The following ABCC8 variants were observed in gnomAD, a reference collection of about 807,000 sequenced individuals.
ABCC8 encodes ATP binding cassette subfamily C member 8, also known as ATP-binding cassette sub-family C member 8.
ABCC8 carries 137 observed loss-of-function variants against 188.0 expected under a neutral mutation model. The observed-to-expected ratio is 0.73, with a 90% CI of 0.63 to 0.84. The LOEUF (loss-of-function observed/expected upper bound fraction) is 0.84, where lower values mean the gene tolerates loss of function less well. Ranked by LOEUF, ABCC8 falls within the 40% of genes least tolerant of loss-of-function variation. The pLI, the probability that ABCC8 is intolerant of heterozygous loss-of-function variation, is 0.00. For missense variants in ABCC8, 1,750 were observed against 2,072.7 expected, an observed-to-expected ratio of 0.84 and a Z score of 3.02; for synonymous variants, 797 against 846.5, an observed-to-expected ratio of 0.94 and a Z score of 1.01.
chr11:17,430,790 C>T (rs1564928709), intron 12 of ABCC8, 24 bp downstream of exon 12: 9 of 1,611,790 alleles, frequency 5.6e-6, no homozygotes, highest in Admixed American at 1.7e-5. Flanking sequence ...CTGCCCAGTG[C>T]CCTCGCCCGG....
chr11:17,393,638 C>T, intron 38 of ABCC8, 59 bp downstream of exon 38: 1 of 1,611,920 alleles, frequency 6.2e-7, no homozygotes, highest in Non-Finnish European at 8.5e-7. Context: ...TGATGACGGC[C>T]ACAACAGGCC....
chr11:17,406,542 C>G (rs1954532390), intron 26 of ABCC8, 80 bp downstream of exon 26: 1 of 1,428,324 alleles, frequency 7.0e-7, no homozygotes, highest in Middle Eastern at 1.8e-4. Context: ...TTGTATATCC[C>G]CATTTTATAG....
chr11:17,469,079 C>CTCCTTCCT (rs1564989361), intron 3 of ABCC8, among the ~76,000 whole-genome samples: 60 of 134,432 alleles, frequency 4.5e-4, no homozygotes, highest in Middle Eastern at 3.7e-3. Context: ...CCTTCCCTCC[C>CTCCTTCCT]TCCCTCCTTC....
chr11:17,437,393 A>G (rs942124757), intron 10 of ABCC8, among the ~76,000 whole-genome samples: 3 of 151,780 alleles, frequency 2.0e-5, no homozygotes, highest in Non-Finnish European at 4.4e-5. Flanking sequence ...GCATTGATAC[A>G]TGTTCCAGAA....
At position 17,452,224 on chromosome 11, in the gene ABCC8, A is replaced by T. The variant is rs189174742; in HGVS notation, c.1176+895T>A. On this transcript the variant is annotated intron_variant, in intron 7 of 38. Coordinates refer to ENST00000389817, the MANE Select transcript of ABCC8 (RefSeq NM_000352.6). ...CCCTGAACACTCCCTGGCTTTGATC[A>T]TCTTTCCAGAAACTCTAAGAAGGAA... Among the ~76,000 whole-genome samples, 28 of 152,314 alleles carry T rather than the reference A, an allele frequency of 1.8e-4. No individual in the cohort carries two copies. The Middle Eastern group carries it at 0.01, about 56-fold the overall frequency.
intron 3 of ABCC8, 66 bp from the exon 4 acceptor site, chr11:17,463,670 G>A (rs1417370829): frequency 5.8e-6 from 9 of 1,543,178 alleles, no homozygotes; most frequent in Non-Finnish European, 7.9e-6. Context: ...CACATAATGT[G>A]TGCAAGTATG....
At chr11:17,396,203 C>T in intron 33 of ABCC8, 1 of 652,236 alleles carries the variant, frequency 1.5e-6, no homozygotes, top group East Asian at 3.2e-5. Context: ...GGGTACTTGG[C>T]TGAAGGAGAG....
chr11:17,403,500 G>C (rs751276188), intron 28 of ABCC8, among the ~76,000 whole-genome samples: 1 of 152,062 alleles, frequency 6.6e-6, no homozygotes, highest in East Asian at 1.9e-4. Context: ...TGTGGGTGTC[G>C]GGCCATTCTG....
At chr11:17,426,201 A>G (rs1955575274) in intron 16 of ABCC8, among the ~76,000 whole-genome samples, 1 of 152,188 alleles carries the variant, frequency 6.6e-6, no homozygotes, top group Admixed American at 6.5e-5. Context: ...GTATATACCC[A>G]GTAATGGAAT....
chr11:17,439,514 A>G (rs1956231003), intron 10 of ABCC8, among the ~76,000 whole-genome samples: 1 of 152,106 alleles, frequency 6.6e-6, no homozygotes, highest in Non-Finnish European at 1.5e-5. Flanking sequence ...AGAAGGCAGG[A>G]AGTCCAGAGG....
chr11:17,412,257 A>T (rs991452856), intron 21 of ABCC8, among the ~76,000 whole-genome samples: 23 of 152,312 alleles, frequency 1.5e-4, no homozygotes, highest in Non-Finnish European at 3.2e-4. Flanking sequence ...GATTCTGAGG[A>T]TGAGTTAAGT....
chr11:17,397,381 CTCT>C lies in ABCC8; in HGVS notation c.3868-71_3868-69del. Reference sequence around the variant, plus strand: ...GTTCTGTCCTCAGCCACCAGAATGGCTCTTCTTAAGGCTGGAGAGGGGCCAGGG... The same window carrying C: ...GTTCTGTCCTCAGCCACCAGAATGGCTCTTAAGGCTGGAGAGGGGCCAGGG... On this transcript the variant is annotated intron_variant, in intron 31 of 38. Coordinates refer to ENST00000389817, the MANE Select transcript of ABCC8 (RefSeq NM_000352.6). 3.1e-6 allele frequency: 5 copies of C among 1,600,116 alleles called. No homozygotes were observed. In the South Asian group the frequency reaches 5.5e-5, roughly 18 times the overall value.
In ABCC8 at chr11:17,456,220, G is replaced by A. The variant is rs17775799; in HGVS notation, c.1012-2937C>T. On this transcript the variant is annotated intron_variant, in intron 6 of 38. Transcript: ENST00000389817. ...CAGGGAAGAATTGTGTTTGTTTCCAGGGATTTCCCCAGTAGTGCTCAATAC... is the reference window on the plus strand; with the variant it reads ...CAGGGAAGAATTGTGTTTGTTTCCAAGGATTTCCCCAGTAGTGCTCAATAC... Among the ~76,000 whole-genome samples the A allele has an allele frequency of 4.5e-3, 679 of 152,298 alleles. 2 individuals carry two copies. Among genetic ancestry groups the A allele is most frequent in the Non-Finnish European group, 7.1e-3 (484 of 68,022 alleles).
chr11:17,446,192 C>G (rs1591840627), intron 8 of ABCC8, among the ~76,000 whole-genome samples: 1 of 152,084 alleles, frequency 6.6e-6, no homozygotes, highest in African/African-American at 2.4e-5. Flanking sequence ...TCTCGAACTC[C>G]TGACCTCAGG....
chr11:17,437,797 G>T (rs1385434328), intron 10 of ABCC8, among the ~76,000 whole-genome samples: 2 of 152,204 alleles, frequency 1.3e-5, no homozygotes, highest in Non-Finnish European at 2.9e-5. Context: ...AGAAGGGCAG[G>T]TAGATATTGA....
chr11:17,472,757 C>T (rs1848548702), intron 2 of ABCC8, among the ~76,000 whole-genome samples: 1 of 152,196 alleles, frequency 6.6e-6, no homozygotes, highest in South Asian at 2.1e-4. Context: ...AGCAGGAGGG[C>T]ATCCCTGGAC....
intron 16 of ABCC8, 131 bp downstream of exon 16, chr11:17,426,918 A>G (rs1372142787): frequency 2.0e-6 from 2 of 1,023,022 alleles, no homozygotes; most frequent in Non-Finnish European, 2.8e-6. Context: ...GAGAATATCC[A>G]TTAGCAGCAT....
At chr11:17,447,242 C>T (rs1183233444) in intron 8 of ABCC8, among the ~76,000 whole-genome samples, 11 of 152,090 alleles carry the variant, frequency 7.2e-5, no homozygotes, top group African/African-American at 2.7e-4. Context: ...AAGATTTAGT[C>T]CCAGGCATAG....
chr11:17,423,079 C>T (rs1955419476), intron 16 of ABCC8, among the ~76,000 whole-genome samples: 2 of 152,000 alleles, frequency 1.3e-5, no homozygotes, highest in African/African-American at 4.8e-5. Flanking sequence ...GCGGGGCCGG[C>T]CAGGGGTGGT....
Sources: allele counts gnomAD v4.1 joint callset (sites outside exome capture counted in the v4.1 genomes callset), GRCh38; gene constraint gnomAD v4.1.1; transcripts MANE v1.5; gene names NCBI Gene and HGNC (gene_info 2026-07-23, HGNC 2026-07-21).